The following SYN1 variants were observed in gnomAD, a reference collection of about 807,000 sequenced individuals.
The protein encoded by SYN1 is synapsin-1.
A neutral mutation model predicts 44.6 loss-of-function variants in SYN1; 8 were observed. That is an observed-to-expected ratio of 0.18 (90% CI 0.11 to 0.32). The LOEUF (loss-of-function observed/expected upper bound fraction) is 0.32, where lower values mean the gene tolerates loss of function less well. Ranked by LOEUF, SYN1 falls within the 10% of genes least tolerant of loss-of-function variation. The pLI is 1.00. For synonymous variants in SYN1, 275 were observed against 280.1 expected (o/e 0.98, Z 0.18); for missense variants, 451 against 639.4 (o/e 0.71, Z 3.18).
intron 5 of SYN1, chrX:47,583,376 CG>C: frequency 1.7e-6 from 2 of 1,172,592 alleles, no homozygotes. Flanking sequence ...TCAGCTGGGC[CG>C]GGGCCTGCCT....
chrX:47,586,732 C>T (rs1444609936), intron 5 of SYN1: 2 of 1,179,031 alleles, frequency 1.7e-6, no homozygotes, highest in Middle Eastern at 2.8e-4. Context: ...ACAGTGTCCA[C>T]CCTGTTCCCA....
At chrX:47,609,005 G>GACACACACAC (rs757667668) in intron 1 of SYN1, among the ~76,000 whole-genome samples, 2,230 of 87,324 alleles carry the variant, frequency 0.026, 47 homozygotes, top group African/African-American at 0.062. Context: ...CTCTCTCTCT[G>GACACACACAC]ACACACACAC....
intron 5 of SYN1, among the ~76,000 whole-genome samples, chrX:47,599,739 C>A (rs1396084859): frequency 8.9e-6 from 1 of 111,937 alleles, no homozygotes; most frequent in Non-Finnish European, 1.9e-5. Context: ...GTAAACACTG[C>A]AGCCGCAAGT....
chrX:47,610,242 T>C (rs1461786569), intron 1 of SYN1, among the ~76,000 whole-genome samples: 1 of 111,074 alleles, frequency 9.0e-6, no homozygotes, highest in African/African-American at 3.3e-5. Context: ...TCCTGGGCCA[T>C]GCTCATGTCC....
At chrX:47,586,151 C>A in intron 5 of SYN1, 2 of 942,858 alleles carry the variant, frequency 2.1e-6, no homozygotes, top group Non-Finnish European at 2.7e-6. Flanking sequence ...GCCTCTGAGC[C>A]CAGTGACTAT....
chrX:47,585,873 A>G (rs1379507258), intron 5 of SYN1: 63 of 1,138,612 alleles, frequency 5.5e-5, no homozygotes, highest in Non-Finnish European at 7.3e-5. Context: ...CCCTGTGTCC[A>G]ATACCGTGTG....
chrX:47,576,179 G>A lies in SYN1; in HGVS notation c.1110C>T (p.Cys370=), dbSNP rs141925310. ...CCTTGCCATGTAGCGCTTCCACTGCGCAGATGTCCAGTCCCCCAAAAATCT... is the reference window on the plus strand; with the variant it reads ...CCTTGCCATGTAGCGCTTCCACTGCACAGATGTCCAGTCCCCCAAAAATCT... The part of the protein sequence containing the change: ...CSEIFGGLDI[C]AVEALHGKDG... The change falls in exon 9 of 13, where the codon TGC becomes TGT. Residue 370 remains cysteine (C), a synonymous_variant. Transcript: ENST00000295987. 222 of 1,202,995 alleles carry A rather than the reference G, an allele frequency of 1.8e-4. 1 individual carries two copies. In the African/African-American group the frequency reaches 3.4e-3, roughly 19 times the overall value.
chrX:47,586,509 C>T (rs774545307), intron 5 of SYN1: 7 of 1,207,719 alleles, frequency 5.8e-6, no homozygotes, highest in Non-Finnish European at 7.8e-6. Flanking sequence ...ATGTTTCCCT[C>T]CTCCCTTCCA....
chrX:47,606,883 C>T (rs2057899287), intron 3 of SYN1, 62 bp downstream of exon 3: 1 of 1,092,505 alleles, frequency 9.2e-7, no homozygotes, highest in Admixed American at 2.3e-5. Context: ...AACTTTCCCC[C>T]AGCTCTAAGG....
intron 5 of SYN1, among the ~76,000 whole-genome samples, chrX:47,579,953 AATGAGAAC>A (rs1191678771): frequency 9.9e-6 from 1 of 100,713 alleles, no homozygotes. Flanking sequence ...TCATCTGTAT[AATGAGAAC>A]ATGAGCTATA....
rs929340940 is a variant in SYN1, at chrX:47,586,154, G to A, written c.775-8653C>T. 7 of 944,848 alleles carry A rather than the reference G, an allele frequency of 7.4e-6. 1 individual carries two copies. The highest frequency in any genetic ancestry group is 9.3e-6 in the Non-Finnish European group (7 of 754,293). The allele number at this position is 944,848 out of a possible 1,213,427, so 77.9% of individuals were successfully genotyped here. A position where few individuals can be genotyped will look rare whatever the true frequency, so the allele number is the denominator to read the frequency against. On this transcript the variant is annotated intron_variant, in intron 5 of 12. Transcript: ENST00000295987. Reference sequence around the variant, plus strand: ...TGGCTCCTGATGGCCTCTGAGCCCAGTGACTATCTTGAAGCCCCACTGGCT... The same window carrying A: ...TGGCTCCTGATGGCCTCTGAGCCCAATGACTATCTTGAAGCCCCACTGGCT...
At chrX:47,617,044 C>T (rs900627742) in intron 1 of SYN1, among the ~76,000 whole-genome samples, 7 of 110,606 alleles carry the variant, frequency 6.3e-5, no homozygotes, top group African/African-American at 2.3e-4. Flanking sequence ...AGCACACCTG[C>T]ATTTAGAAAA....
rs769524716 is a variant in SYN1, at chrX:47,619,501, G to A, written c.228C>T (p.Phe76=). Reference sequence around the variant, plus strand: ...TGACCGCGTTGGACAGCGACGAGAAGAAGCCACCGCCCCCCGAGGACCCGG... The same window carrying A: ...TGACCGCGTTGGACAGCGACGAGAAAAAGCCACCGCCCCCCGAGGACCCGG... ...PSPGSSGGGG[F]FSSLSNAVKQ... is the part of the protein sequence containing the mutation. The change falls in exon 1 of 13, where the codon TTC becomes TTT. Residue 76 remains phenylalanine (F), a synonymous_variant. Transcript: ENST00000295987. 2 of 1,196,397 alleles carry A rather than the reference G, an allele frequency of 1.7e-6. No individual in the cohort carries two copies. The highest frequency in any genetic ancestry group is 3.5e-5 in the African/African-American group (2 of 56,479).
chrX:47,586,695 C>T lies in SYN1; in HGVS notation c.775-9194G>A, dbSNP rs760478982. On this transcript the variant is annotated intron_variant, in intron 5 of 12. Transcript: ENST00000295987. ...CCTGCGGTCCCAGATAGCCTGAATCCTGCCCGGAGTGGAAGCTGAAGCCTG... is the reference window on the plus strand; with the variant it reads ...CCTGCGGTCCCAGATAGCCTGAATCTTGCCCGGAGTGGAAGCTGAAGCCTG... 14 of 1,205,802 alleles carry T rather than the reference C, an allele frequency of 1.2e-5. No individual in the cohort carries two copies. The East Asian group carries it at 4.1e-4, about 36-fold the overall frequency.
Position 47,574,308 on chromosome X carries a change from C to T in SYN1, c.1676G>A (p.Gly559Asp). ...PASPSPQRQA[G>D]PPQATRQTSV... ...TGTCTGACGGGTAGCCTGTGGGGGG[C>T]CCGCCTGGCGCTGGGGAGACGGAGA... Residue 559 changes from glycine (G) to aspartate (D), a missense_variant, in exon 12 of 13, where the codon GGC becomes GAC. By Grantham distance (94) the Gly-to-Asp change is moderately conservative (BLOSUM62 -1). Coordinates refer to ENST00000295987, the MANE Select transcript of SYN1 (RefSeq NM_006950.3). 9.2e-7 allele frequency: 1 copy of T among 1,092,043 alleles called. No homozygotes were observed. 90.0% of individuals were successfully genotyped at this position (1,092,043 alleles called of 1,213,427 possible). A position where few individuals can be genotyped will look rare whatever the true frequency, so the allele number is the denominator to read the frequency against.
intron 3 of SYN1, among the ~76,000 whole-genome samples, chrX:47,605,640 CT>C (rs2057894297): frequency 9.0e-6 from 1 of 111,379 alleles, no homozygotes; most frequent in African/African-American, 3.3e-5. Context: ...GCTCTGACAA[CT>C]CCCTGGTCAC....
chrX:47,593,693 CA>C (rs1251717412), intron 5 of SYN1, among the ~76,000 whole-genome samples: 2 of 112,104 alleles, frequency 1.8e-5, no homozygotes, highest in Non-Finnish European at 3.8e-5. Flanking sequence ...TCTAGCATTT[CA>C]GTGGAATTCC....
intron 5 of SYN1, chrX:47,583,599 C>T: frequency 9.1e-7 from 1 of 1,103,647 alleles, no homozygotes; most frequent in East Asian, 3.1e-5. Context: ...TCCAGTGGGG[C>T]TCACCATGGC....
At chrX:47,602,855 AG>A (rs1355451572) in intron 5 of SYN1, among the ~76,000 whole-genome samples, 2 of 111,626 alleles carry the variant, frequency 1.8e-5, no homozygotes, top group Admixed American at 1.9e-4. Context: ...CATTTATATG[AG>A]TAAACATAAT....
Sources: allele counts gnomAD v4.1 joint callset (sites outside exome capture counted in the v4.1 genomes callset), GRCh38; gene constraint gnomAD v4.1.1; transcripts MANE v1.5; gene names NCBI Gene and HGNC (gene_info 2026-07-23, HGNC 2026-07-21).